KCNT2: variants seen among roughly 807,000 people sequenced by gnomAD.
KCNT2 encodes potassium sodium-activated channel subfamily T member 2.
In KCNT2, 67 loss-of-function variants were observed where a neutral mutation model predicts 153.8. The observed-to-expected ratio is 0.44, with a 90% CI of 0.36 to 0.53. The LOEUF (loss-of-function observed/expected upper bound fraction) is 0.53. Ranked by LOEUF, KCNT2 falls within the 20% of genes least tolerant of loss-of-function variation. The pLI, the probability that KCNT2 is intolerant of heterozygous loss-of-function variation, is 0.00. For synonymous variants in KCNT2, 500 were observed against 458.8 expected, an observed-to-expected ratio of 1.09 and a Z score of -1.15; for missense variants, 975 against 1,354.8, an observed-to-expected ratio of 0.72 and a Z score of 4.40.
chr1:196,230,784 G>C (rs1376831673), intron 27 of KCNT2, among the ~76,000 whole-genome samples: 1 of 151,898 alleles, frequency 6.6e-6, no homozygotes, highest in Non-Finnish European at 1.5e-5. Context: ...CAAATAAATT[G>C]GTTTCTTGAG....
intron 11 of KCNT2, 101 bp from the exon 12 acceptor site, chr1:196,423,214 T>C (rs927724886): frequency 4.4e-6 from 3 of 678,988 alleles, no homozygotes; most frequent in Admixed American, 2.7e-5. Flanking sequence ...GCACAAAATG[T>C]ACATGTAGAC....
chr1:196,300,103 G>A (rs1558118714), intron 22 of KCNT2, among the ~76,000 whole-genome samples: 1 of 152,134 alleles, frequency 6.6e-6, no homozygotes, highest in African/African-American at 2.4e-5. Flanking sequence ...TAGGCATGTA[G>A]CAGGCTACAA....
At chr1:196,502,206 A>G (rs762910122) in intron 1 of KCNT2, among the ~76,000 whole-genome samples, 7 of 152,208 alleles carry the variant, frequency 4.6e-5, no homozygotes, top group Non-Finnish European at 5.9e-5. Context: ...GTACACAGAG[A>G]AACGCAATTT....
chr1:196,310,796 C>T (rs1662099521), intron 21 of KCNT2, among the ~76,000 whole-genome samples: 1 of 151,844 alleles, frequency 6.6e-6, no homozygotes, highest in Non-Finnish European at 1.5e-5. Flanking sequence ...TACATTGTAC[C>T]TGCAGTTATC....
intron 13 of KCNT2, among the ~76,000 whole-genome samples, chr1:196,387,606 T>C (rs1057276443): frequency 6.6e-6 from 1 of 151,972 alleles, no homozygotes; most frequent in Admixed American, 6.6e-5. Flanking sequence ...CTTTTAATGT[T>C]TGGCATTCTG....
chr1:196,490,878 A>G (rs947185004), intron 2 of KCNT2, among the ~76,000 whole-genome samples: 2 of 152,050 alleles, frequency 1.3e-5, no homozygotes, highest in African/African-American at 4.8e-5. Flanking sequence ...ACTTAATAAA[A>G]TCTAGAAATG....
intron 1 of KCNT2, among the ~76,000 whole-genome samples, chr1:196,568,226 A>G (rs987608320): frequency 2.0e-5 from 3 of 152,150 alleles, no homozygotes; most frequent in East Asian, 3.9e-4. Context: ...ATCAGGCATC[A>G]GATTCTCATA....
chr1:196,593,311 T>TATATATACACACAC (rs1256165838), intron 1 of KCNT2, among the ~76,000 whole-genome samples: 8 of 140,204 alleles, frequency 5.7e-5, no homozygotes, highest in African/African-American at 1.7e-4. Flanking sequence ...TATATATATA[T>TATATATACACACAC]ACACACACAC....
Position 196,414,549 on chromosome 1 carries a change from G to A in KCNT2, c.1185+8501C>T, listed in dbSNP as rs145574523. Among the ~76,000 whole-genome samples the A allele has an allele frequency of 5.1e-3, 772 of 151,806 alleles. 5 individuals carry two copies. Among genetic ancestry groups the A allele is most frequent in the Middle Eastern group, 0.014 (4 of 294 alleles). On this transcript the variant is annotated intron_variant, in intron 12 of 27. Coordinates refer to ENST00000294725, the MANE Select transcript of KCNT2 (RefSeq NM_198503.5). ...GATATTTTGTATTACTTTTTCAAAC[G>A]AAGTAAAAGTTTTTGTTGTTGTTGT... is the stretch of plus-strand genomic sequence containing the variant.
intron 21 of KCNT2, among the ~76,000 whole-genome samples, chr1:196,306,733 T>C (rs1415583350): frequency 6.6e-6 from 1 of 151,638 alleles, no homozygotes; most frequent in Non-Finnish European, 1.5e-5. Flanking sequence ...TTTTGTTTGC[T>C]TGCTTTTTTT....
intron 1 of KCNT2, among the ~76,000 whole-genome samples, chr1:196,578,188 CATAGTTAGGAAAAAAA>C: frequency 1.3e-4 from 2 of 14,904 alleles, no homozygotes; most frequent in Non-Finnish European, 1.9e-3. Context: ...TACCACACTC[CATAGTTAGGAAAAAAA>C]ACAATCCCAA....
At chr1:196,378,760 A>C (rs1669193001) in intron 13 of KCNT2, among the ~76,000 whole-genome samples, 1 of 148,096 alleles carries the variant, frequency 6.8e-6, no homozygotes, top group South Asian at 2.1e-4. Context: ...ACAATATGTA[A>C]TATAATATCT....
At chr1:196,499,333 ATG>A (rs1680490854) in intron 1 of KCNT2, among the ~76,000 whole-genome samples, 1 of 152,226 alleles carries the variant, frequency 6.6e-6, no homozygotes. Context: ...TTTTTCTATA[ATG>A]GTGACAACAC....
intron 27 of KCNT2, among the ~76,000 whole-genome samples, chr1:196,235,634 G>A (rs549478126): frequency 6.6e-6 from 1 of 151,356 alleles, no homozygotes; most frequent in African/African-American, 2.4e-5. Flanking sequence ...TCACAGTTTG[G>A]CTTTTGGGAA....
Position 196,500,715 on chromosome 1 carries a change from C to T in KCNT2, c.96-8374G>A, listed in dbSNP as rs553480829. 2.1e-4 allele frequency among the ~76,000 whole-genome samples: 32 copies of T among 152,134 alleles called. 2 individuals are homozygous for T. Among genetic ancestry groups the T allele is most frequent in the African/African-American group, 6.3e-4 (26 of 41,504 alleles). On this transcript the variant is annotated intron_variant, in intron 1 of 27. Transcript: ENST00000294725. Reference sequence around the variant, plus strand: ...CATAGACAAATAGGAATTAATTAAACGAAAACTCTTCTGTACACCAAAGGA... The same window carrying T: ...CATAGACAAATAGGAATTAATTAAATGAAAACTCTTCTGTACACCAAAGGA...
rs78353283 is a variant in KCNT2 at position 196,546,353 on chromosome 1, G to A, written c.96-54012C>T. On this transcript the variant is annotated intron_variant, in intron 1 of 27. Coordinates refer to ENST00000294725, the MANE Select transcript of KCNT2 (RefSeq NM_198503.5). ...TTACATCATTTGTCTCTAGCACAGT[G>A]GAAACTATATATCTTCTGAAAGATG... Among the ~76,000 whole-genome samples, 1,132 of 152,106 alleles carry A rather than the reference G, an allele frequency of 7.4e-3. 6 individuals are homozygous for A. Among genetic ancestry groups the A allele is most frequent in the South Asian group, 0.018 (87 of 4,820 alleles).
chr1:196,418,447 GA>G (rs1672926603), intron 12 of KCNT2, among the ~76,000 whole-genome samples: 1 of 151,970 alleles, frequency 6.6e-6, no homozygotes, highest in Non-Finnish European at 1.5e-5. Flanking sequence ...GCCGGGGCAA[GA>G]AAAGCAAAAC....
At chr1:196,508,652 A>G (rs1184999880) in intron 1 of KCNT2, among the ~76,000 whole-genome samples, 1 of 152,260 alleles carries the variant, frequency 6.6e-6, no homozygotes, top group Admixed American at 6.5e-5. Context: ...CATTTCACAG[A>G]AGAGAAACAA....
chr1:196,272,695 A>G (rs927438770), intron 25 of KCNT2, among the ~76,000 whole-genome samples: 2 of 152,044 alleles, frequency 1.3e-5, no homozygotes, highest in African/African-American at 4.8e-5. Context: ...CAAAAAAACT[A>G]TAAACATCTT....
Sources: allele counts gnomAD v4.1 joint callset (sites outside exome capture counted in the v4.1 genomes callset), GRCh38; gene constraint gnomAD v4.1.1; transcripts MANE v1.5; gene names NCBI Gene and HGNC (gene_info 2026-07-23, HGNC 2026-07-21).